The following TENM2 variants were observed in gnomAD, a reference collection of about 807,000 sequenced individuals.
TENM2 encodes the protein teneurin-2.
TENM2 carries 52 observed loss-of-function variants against 245.2 expected under a neutral mutation model. The ratio of observed to expected loss-of-function variants is 0.21; its 90% confidence interval spans 0.17 to 0.27. The LOEUF is 0.27. Ranked by LOEUF, TENM2 falls within the 10% of genes least tolerant of loss-of-function variation. TENM2 has a pLI of 1.00. For missense variants in TENM2, 3,046 were observed against 3,666.8 expected, an observed-to-expected ratio of 0.83 and a Z score of 4.37; for synonymous variants, 1,363 against 1,438.9, an observed-to-expected ratio of 0.95 and a Z score of 1.19.
At chr5:168,142,689 C>G (rs1051740125) in intron 12 of TENM2, among the ~76,000 whole-genome samples, 6 of 152,194 alleles carry the variant, frequency 3.9e-5, no homozygotes, top group Non-Finnish European at 5.9e-5. Flanking sequence ...TTTGTTTTTC[C>G]TCCCAGGCTG....
At chr5:168,067,234 A>T (rs918105145) in intron 7 of TENM2, among the ~76,000 whole-genome samples, 3 of 152,160 alleles carry the variant, frequency 2.0e-5, no homozygotes, top group Non-Finnish European at 4.4e-5. Context: ...ATTAAAAGAG[A>T]TTCTAGGGAT....
chr5:167,672,081 A>G (rs1051847752), intron 2 of TENM2, among the ~76,000 whole-genome samples: 37 of 152,122 alleles, frequency 2.4e-4, no homozygotes, highest in Non-Finnish European at 2.9e-5. Flanking sequence ...AAAATTATGC[A>G]GTGAAAACAA....
At chr5:167,930,783 A>G (rs1421547397) in intron 3 of TENM2, among the ~76,000 whole-genome samples, 1 of 151,704 alleles carries the variant, frequency 6.6e-6, no homozygotes, top group Non-Finnish European at 1.5e-5. Flanking sequence ...AAAAAGCATG[A>G]TTTCTTTTCA....
At chr5:167,132,463 T>G in the TENM2 span, among the ~76,000 whole-genome samples, 1 of 152,112 alleles carries the variant, frequency 6.6e-6, no homozygotes, top group Non-Finnish European at 1.5e-5. Flanking sequence ...CATTTTTTCC[T>G]TTTAAATTTG....
intron 2 of TENM2, among the ~76,000 whole-genome samples, chr5:167,431,834 G>A (rs947564165): frequency 6.7e-6 from 1 of 149,872 alleles, no homozygotes; most frequent in Admixed American, 6.7e-5. Flanking sequence ...AATAAAATAG[G>A]AATTTTAATC....
At chr5:167,383,398 A>G (rs1761208535) in intron 2 of TENM2, among the ~76,000 whole-genome samples, 1 of 152,036 alleles carries the variant, frequency 6.6e-6, no homozygotes, top group African/African-American at 2.4e-5. Flanking sequence ...ATGCTGTCTC[A>G]CCCATGTAAG....
chr5:167,130,461 T>G, the TENM2 span, among the ~76,000 whole-genome samples: 192 of 152,314 alleles, frequency 1.3e-3, 3 homozygotes, highest in East Asian at 0.025. Context: ...GATTCTTACA[T>G]TGTGGATAAC....
At chr5:167,345,378 G>C (rs1379225767) in intron 1 of TENM2, among the ~76,000 whole-genome samples, 1 of 152,228 alleles carries the variant, frequency 6.6e-6, no homozygotes, top group Non-Finnish European at 1.5e-5. Context: ...GTTCTCAAAA[G>C]TGTGTTTAAC....
At chr5:167,984,149 A>G (rs1217070412) in intron 4 of TENM2, among the ~76,000 whole-genome samples, 1 of 152,208 alleles carries the variant, frequency 6.6e-6, no homozygotes, top group Non-Finnish European at 1.5e-5. Context: ...AGAAGCCAGG[A>G]TGCAAACCCT....
chr5:167,194,128 C>T, the TENM2 span, among the ~76,000 whole-genome samples: 26 of 151,978 alleles, frequency 1.7e-4, no homozygotes, highest in African/African-American at 5.8e-4. Flanking sequence ...GACCCTCACT[C>T]GTAATGAGGC....
intron 2 of TENM2, among the ~76,000 whole-genome samples, chr5:167,735,824 AAAAAG>A (rs1233011689): frequency 6.6e-6 from 1 of 152,144 alleles, no homozygotes; most frequent in Non-Finnish European, 1.5e-5. Flanking sequence ...AAAAAAGAGA[AAAAAG>A]AAAAGAAAAG....
intron 2 of TENM2, among the ~76,000 whole-genome samples, chr5:167,387,531 T>C (rs1045448009): frequency 2.0e-5 from 3 of 152,096 alleles, no homozygotes; most frequent in Non-Finnish European, 4.4e-5. Context: ...GTCTGATTGC[T>C]CTGGCTAGGA....
intron 2 of TENM2, among the ~76,000 whole-genome samples, chr5:167,671,929 G>A (rs1755973427): frequency 1.3e-5 from 2 of 151,888 alleles, no homozygotes; most frequent in South Asian, 4.1e-4. Flanking sequence ...ATCTTTTATG[G>A]AACTCATTCT....
At chr5:168,222,686 A>G (rs1198074818) in intron 23 of TENM2, among the ~76,000 whole-genome samples, 3 of 152,168 alleles carry the variant, frequency 2.0e-5, no homozygotes, top group Non-Finnish European at 4.4e-5. Flanking sequence ...TGAAAAGAAC[A>G]GTACTGTCCT....
At position 168,218,769 on chromosome 5, in the gene TENM2, T is replaced by C; in HGVS notation, c.4878T>C (p.Thr1626=). 1.2e-6 allele frequency: 2 copies of C among 1,614,070 alleles called. No individual in the cohort carries two copies. Among genetic ancestry groups the C allele is most frequent in the South Asian group, 1.1e-5 (1 of 91,080 alleles). ...CATATAGTACTGACAATGATGTCAC[T>C]GAATTGATTGACAATAATGGGAATT... Residue 1626 remains threonine (T), a synonymous_variant, in exon 23 of 29, where the codon ACT becomes ACC. Transcript: ENST00000518659. This position sits in a 1 kb window ranked among gnomAD's most constrained non-coding sequence, Gnocchi z 5.2.
the TENM2 span, among the ~76,000 whole-genome samples, chr5:167,042,241 A>G: frequency 3.9e-5 from 6 of 152,192 alleles, no homozygotes; most frequent in African/African-American, 1.4e-4. Flanking sequence ...GCAACTTCAA[A>G]CACATTTCAT....
At chr5:167,149,929 G>A in the TENM2 span, among the ~76,000 whole-genome samples, 1 of 152,012 alleles carries the variant, frequency 6.6e-6, no homozygotes, top group Non-Finnish European at 1.5e-5. Context: ...CTTGAAGGAG[G>A]GCATGGCACA....
At chr5:167,871,767 T>C (rs1772847913) in intron 2 of TENM2, among the ~76,000 whole-genome samples, 1 of 152,176 alleles carries the variant, frequency 6.6e-6, no homozygotes. Flanking sequence ...GCTTCAGCAG[T>C]ACATAAAGTG....
the TENM2 span, among the ~76,000 whole-genome samples, chr5:167,127,452 T>C: frequency 6.6e-6 from 1 of 152,142 alleles, no homozygotes; most frequent in African/African-American, 2.4e-5. Flanking sequence ...CATCCCCACC[T>C]GCAAGAGTGA....
Sources: gnomAD v4.1 joint callset for allele counts (sites outside exome capture counted in the v4.1 genomes callset) on GRCh38, gnomAD v4.1.1 for gene constraint, Gnocchi (gnomAD v3.1) non-coding constraint, MANE v1.5 for transcripts, NCBI Gene and HGNC (gene_info 2026-07-23, HGNC 2026-07-21) for gene names.